Variants in CDH26 observed in about 807,000 individuals in gnomAD.
CDH26 encodes cadherin-like protein 26.
In CDH26, 83 loss-of-function variants were observed where a neutral mutation model predicts 90.3. The ratio of observed to expected loss-of-function variants is 0.92; its 90% CI spans 0.77 to 1.10. CDH26 has a LOEUF of 1.10. Ranked by LOEUF, CDH26 falls within the 50% of genes least tolerant of loss-of-function variation. The pLI is 0.00. For missense variants in CDH26, 1,013 were observed against 1,037.6 expected (o/e 0.98, Z 0.33); for synonymous variants, 397 against 396.3 (o/e 1.00, Z -0.02).
Position 59,980,716 on chromosome 20 carries a change from T to A in CDH26, c.394-2207T>A, listed in dbSNP as rs1260560695. Among the ~76,000 whole-genome samples, 3 of 152,248 alleles carry A rather than the reference T, an allele frequency of 2.0e-5. No individual in the cohort carries two copies. The East Asian group carries it at 5.8e-4, about 29-fold the overall frequency. On this transcript the variant is annotated intron_variant, in intron 4 of 17. Coordinates refer to ENST00000348616, the MANE Select transcript of CDH26 (RefSeq NM_177980.4). ...TTTTGTCTTCTCATTCTTACCTTTG[T>A]CTTTTCATTCTTTTAACAGCATTTC... is the stretch of plus-strand genomic sequence containing the variant.
chr20:60,024,204 C>A (rs910027001), intron 7 of CDH26, among the ~76,000 whole-genome samples: 1 of 152,222 alleles, frequency 6.6e-6, no homozygotes, highest in Admixed American at 6.5e-5. Flanking sequence ...GAACAACCAA[C>A]CTTCAAAGCA....
intron 4 of CDH26, among the ~76,000 whole-genome samples, chr20:59,974,056 T>A (rs1040580414): frequency 1.3e-5 from 2 of 152,248 alleles, no homozygotes; most frequent in Admixed American, 1.3e-4. Context: ...CACCAGCATC[T>A]GTTGTTTTTT....
chr20:59,967,575 C>G (rs143511114), intron 1 of CDH26, among the ~76,000 whole-genome samples: 67 of 152,176 alleles, frequency 4.4e-4, no homozygotes, highest in African/African-American at 1.4e-3. Flanking sequence ...CAAAATACCC[C>G]GTGTGAAAAT....
chr20:60,005,197 T>C (rs982801623), intron 16 of CDH26, among the ~76,000 whole-genome samples: 1 of 152,204 alleles, frequency 6.6e-6, no homozygotes, highest in Non-Finnish European at 1.5e-5. Flanking sequence ...ATAATACATA[T>C]GACATACAAA....
At chr20:60,022,671 T>C (rs972492802) in intron 7 of CDH26, among the ~76,000 whole-genome samples, 3 of 152,232 alleles carry the variant, frequency 2.0e-5, no homozygotes, top group Non-Finnish European at 4.4e-5. Flanking sequence ...TGGTTTCCTC[T>C]CATCAGAGAG....
intron 2 of CDH26, among the ~76,000 whole-genome samples, chr20:59,969,572 C>G (rs1039174614): frequency 6.6e-6 from 1 of 152,170 alleles, no homozygotes; most frequent in Non-Finnish European, 1.5e-5. Context: ...TTCATATATT[C>G]TCTTACCTGA....
At chr20:60,029,669 T>C (rs1215757624) in intron 7 of CDH26, among the ~76,000 whole-genome samples, 3 of 152,046 alleles carry the variant, frequency 2.0e-5, no homozygotes, top group Non-Finnish European at 2.9e-5. Flanking sequence ...CAGTGTGTGA[T>C]GTTCCCCTCC....
intron 1 of CDH26, among the ~76,000 whole-genome samples, chr20:59,965,599 C>A (rs1244490888): frequency 2.6e-5 from 4 of 152,152 alleles, no homozygotes; most frequent in Non-Finnish European, 5.9e-5. Flanking sequence ...CTCCTCTCTG[C>A]TTCTGTATTC....
intron 1 of CDH26, among the ~76,000 whole-genome samples, chr20:59,967,961 T>G (rs373729110): frequency 4.5e-5 from 1 of 22,340 alleles, no homozygotes; most frequent in East Asian, 2.9e-3. Flanking sequence ...CTTTCTATCT[T>G]TCTTTCTTTC....
chr20:59,991,181 T>G (rs1303781247), intron 9 of CDH26, among the ~76,000 whole-genome samples: 1 of 152,210 alleles, frequency 6.6e-6, no homozygotes, highest in Non-Finnish European at 1.5e-5. Flanking sequence ...TGATGCTGGC[T>G]GGGGATCCCT....
Position 59,970,528 on chromosome 20 carries a change from C to T in CDH26, c.231+342C>T, listed in dbSNP as rs566257275. ...TATTATTTAAAAACAGGGAGATTGT[C>T]GGCCAGGCGCGGTGGCTCACGCCTG... On this transcript the variant is annotated intron_variant, in intron 3 of 17. Coordinates refer to ENST00000348616, the MANE Select transcript of CDH26 (RefSeq NM_177980.4). Among the ~76,000 whole-genome samples the T allele has an allele frequency of 6.0e-5, 9 of 150,380 alleles. No individual in the cohort carries two copies. In the South Asian group the frequency reaches 1.9e-3, roughly 32 times the overall value.
intron 7 of CDH26, among the ~76,000 whole-genome samples, chr20:60,019,624 T>C (rs2061935900): frequency 6.6e-6 from 1 of 152,244 alleles, no homozygotes. Context: ...TTGAATTGTC[T>C]ATTTGTATTC....
At chr20:60,010,492 C>T (rs1326567162) in intron 17 of CDH26, among the ~76,000 whole-genome samples, 1 of 152,112 alleles carries the variant, frequency 6.6e-6, no homozygotes, top group Non-Finnish European at 1.5e-5. Context: ...GCTAAAGTCC[C>T]TCTCCCCTCC....
intron 11 of CDH26, among the ~76,000 whole-genome samples, chr20:59,995,092 A>G (rs1340730486): frequency 6.6e-6 from 1 of 152,072 alleles, no homozygotes; most frequent in Non-Finnish European, 1.5e-5. Context: ...TTCAGCTGAA[A>G]CTGTGTGCTC....
chr20:60,022,575 T>C (rs893403779), intron 7 of CDH26, among the ~76,000 whole-genome samples: 2 of 152,180 alleles, frequency 1.3e-5, no homozygotes, highest in Admixed American at 1.3e-4. Flanking sequence ...TTCTGTGAAG[T>C]AGGCATAGCA....
intron 7 of CDH26, among the ~76,000 whole-genome samples, 184 bp from the exon 8 acceptor site, chr20:59,987,269 G>A (rs2061470737): frequency 6.6e-6 from 1 of 152,216 alleles, no homozygotes; most frequent in South Asian, 2.1e-4. Flanking sequence ...AACAGACGGA[G>A]TTGCAAATCC....
chr20:60,017,067 G>A (rs2061911308), downstream of CDH26, among the ~76,000 whole-genome samples: 1 of 151,998 alleles, frequency 6.6e-6, no homozygotes, highest in African/African-American at 2.4e-5. Flanking sequence ...ATATTGGCCT[G>A]TAGTTTTCTT....
chr20:59,987,021 A>T (rs967677800), intron 7 of CDH26, among the ~76,000 whole-genome samples: 11 of 152,172 alleles, frequency 7.2e-5, no homozygotes, highest in African/African-American at 2.4e-4. Context: ...ATAACAAGCT[A>T]TTTTGAAGAT....
chr20:59,988,181 G>C (rs2145989406), intron 8 of CDH26, among the ~76,000 whole-genome samples: 1 of 152,304 alleles, frequency 6.6e-6, no homozygotes, highest in East Asian at 1.9e-4. Context: ...AAGCCCAGAG[G>C]GGTTAGGTCC....
Sources: gnomAD v4.1 joint callset for allele counts (sites outside exome capture counted in the v4.1 genomes callset) on GRCh38, gnomAD v4.1.1 for gene constraint, MANE v1.5 for transcripts, NCBI Gene and HGNC (gene_info 2026-07-23, HGNC 2026-07-21) for gene names.